Variants in CSGALNACT1 observed in about 807,000 individuals in gnomAD.
CSGALNACT1 encodes the protein chondroitin sulfate N-acetylgalactosaminyltransferase 1, also known as beta4GalNAcT-1.
A neutral mutation model predicts 51.0 loss-of-function variants in CSGALNACT1; 52 were observed. The ratio of observed to expected loss-of-function variants is 1.02; its 90% CI spans 0.82 to 1.29. The LOEUF is 1.29. Among genes scored for constraint, CSGALNACT1 ranks in the 50% most tolerant of loss-of-function variants. The pLI is 0.00. For missense variants in CSGALNACT1, 935 were observed against 679.2 expected, an observed-to-expected ratio of 1.38 and a Z score of -4.19; for synonymous variants, 341 against 254.4, an observed-to-expected ratio of 1.34 and a Z score of -3.24.
At chr8:19,408,800 C>T (rs1377338030) in intron 8 of CSGALNACT1, 106 bp from the exon 8 acceptor site, 3 of 944,870 alleles carry the variant, frequency 3.2e-6, no homozygotes, top group Non-Finnish European at 1.7e-6. Flanking sequence ...CATCCCATCA[C>T]TGATAAACAG....
chr8:19,714,627 A>G (rs1307556359), intron 1 of CSGALNACT1, among the ~76,000 whole-genome samples: 1 of 151,942 alleles, frequency 6.6e-6, no homozygotes, highest in Non-Finnish European at 1.5e-5. Context: ...ATTCTTGTGC[A>G]TTGCCTACCT....
At chr8:19,574,100 C>A (rs2043622380) in intron 3 of CSGALNACT1, among the ~76,000 whole-genome samples, 1 of 152,156 alleles carries the variant, frequency 6.6e-6, no homozygotes, top group African/African-American at 2.4e-5. Flanking sequence ...GTAGAGATGG[C>A]ATCTTGCAAT....
chr8:19,434,141 T>A (rs777525788), intron 6 of CSGALNACT1, among the ~76,000 whole-genome samples: 2 of 152,222 alleles, frequency 1.3e-5, no homozygotes, highest in African/African-American at 2.4e-5. Context: ...GTGATTCTAT[T>A]TTTTTCCAAT....
chr8:19,603,047 TACACACACAC>T (rs5889877), upstream of CSGALNACT1, among the ~76,000 whole-genome samples: 13,284 of 123,044 alleles, frequency 0.11, 748 homozygotes, highest in African/African-American at 0.15. Flanking sequence ...ACTGTGTGTA[TACACACACAC>T]ACACACACAC....
intron 4 of CSGALNACT1, among the ~76,000 whole-genome samples, chr8:19,477,386 G>A (rs527564474): frequency 7.9e-5 from 12 of 152,262 alleles, no homozygotes; most frequent in African/African-American, 1.9e-4. Flanking sequence ...AACTGAGCAC[G>A]GCTATAATGA....
chr8:19,718,349 A>G (rs1242552080), intron 1 of CSGALNACT1, among the ~76,000 whole-genome samples: 2 of 151,964 alleles, frequency 1.3e-5, no homozygotes, highest in Non-Finnish European at 2.9e-5. Flanking sequence ...TGATCCACCC[A>G]CCTCAGCCTC....
At chr8:19,629,185 A>C (rs944071788) in intron 1 of CSGALNACT1, among the ~76,000 whole-genome samples, 5 of 152,226 alleles carry the variant, frequency 3.3e-5, no homozygotes, top group African/African-American at 1.2e-4. Flanking sequence ...CAAATGAAAG[A>C]GACTTAAATC....
At chr8:19,528,541 A>T (rs1306786783) in intron 3 of CSGALNACT1, among the ~76,000 whole-genome samples, 1 of 152,132 alleles carries the variant, frequency 6.6e-6, no homozygotes, top group Admixed American at 6.5e-5. Flanking sequence ...CTTTATCCTC[A>T]TTCTAGACCC....
chr8:19,467,064 C>G (rs2066863991), intron 4 of CSGALNACT1, among the ~76,000 whole-genome samples: 1 of 148,956 alleles, frequency 6.7e-6, no homozygotes, highest in African/African-American at 2.5e-5. Flanking sequence ...TGTCTAAGAA[C>G]TCACTTAGAG....
chr8:19,594,033 C>T (rs559027466), intron 2 of CSGALNACT1, among the ~76,000 whole-genome samples: 1 of 152,230 alleles, frequency 6.6e-6, no homozygotes, highest in South Asian at 2.1e-4. Context: ...GTGGAATATG[C>T]CATGAAGATG....
intron 3 of CSGALNACT1, among the ~76,000 whole-genome samples, chr8:19,561,395 C>A (rs145189725): frequency 6.6e-6 from 1 of 152,314 alleles, no homozygotes; most frequent in African/African-American, 2.4e-5. Flanking sequence ...TCATGACCAA[C>A]AAGCACAGGA....
chr8:19,476,072 A>T (rs907399979), intron 4 of CSGALNACT1, among the ~76,000 whole-genome samples: 3 of 152,244 alleles, frequency 2.0e-5, no homozygotes, highest in Non-Finnish European at 4.4e-5. Flanking sequence ...AACTTTATTA[A>T]TGTATCCTAT....
chr8:19,747,921 A>C (rs1457600319), intron 1 of CSGALNACT1, among the ~76,000 whole-genome samples: 1 of 152,230 alleles, frequency 6.6e-6, no homozygotes, highest in African/African-American at 2.4e-5. Context: ...AGTTTAGTTA[A>C]AAGATGAAAG....
At chr8:19,643,525 C>T (rs1361140455) in intron 1 of CSGALNACT1, among the ~76,000 whole-genome samples, 1 of 151,906 alleles carries the variant, frequency 6.6e-6, no homozygotes, top group Non-Finnish European at 1.5e-5. Flanking sequence ...GTAATCCCAG[C>T]TACTTGGGAG....
intron 1 of CSGALNACT1, among the ~76,000 whole-genome samples, chr8:19,667,100 G>GAAAGAAAGAGAGA (rs1386376643): frequency 1.7e-4 from 9 of 54,098 alleles, no homozygotes; most frequent in African/African-American, 2.6e-4. Flanking sequence ...AGAAAGAAAG[G>GAAAGAAAGAGAGA]GAAAGAAATC....
chr8:19,426,323 C>T (rs750548720), intron 6 of CSGALNACT1, among the ~76,000 whole-genome samples: 29 of 152,190 alleles, frequency 1.9e-4, no homozygotes, highest in Admixed American at 3.9e-4. Context: ...GAGGCTGTGA[C>T]CAATGGATTC....
intron 1 of CSGALNACT1, among the ~76,000 whole-genome samples, chr8:19,751,934 G>A (rs2065054095): frequency 3.3e-5 from 5 of 151,666 alleles, no homozygotes. Context: ...CCAGTCTCAG[G>A]TAGTTCTTTA....
At chr8:19,461,771 T>C (rs113298174) in intron 4 of CSGALNACT1, among the ~76,000 whole-genome samples, 6,171 of 37,972 alleles carry the variant, frequency 0.16, 1,017 homozygotes, top group East Asian at 0.61. Context: ...AGGGCGTATC[T>C]GCACAGCAGC....
At chr8:19,752,458 C>T (rs919322743) in intron 1 of CSGALNACT1, among the ~76,000 whole-genome samples, 3 of 152,154 alleles carry the variant, frequency 2.0e-5, no homozygotes, top group Non-Finnish European at 2.9e-5. Context: ...GATGCGTTAA[C>T]TTTAGCACGT....
Sources: allele counts gnomAD v4.1 joint callset (sites outside exome capture counted in the v4.1 genomes callset), GRCh38; gene constraint gnomAD v4.1.1; transcripts MANE v1.5; gene names NCBI Gene and HGNC (gene_info 2026-07-23, HGNC 2026-07-21).